The following EYS variants were observed in gnomAD, a reference collection of about 807,000 sequenced individuals.
EYS encodes the protein protein eyes shut homolog.
Under a neutral mutation model 282.1 loss-of-function variants are expected in EYS, and 250 were observed. The ratio of observed to expected loss-of-function variants is 0.89; its 90% CI spans 0.80 to 0.98. The LOEUF is 0.98. EYS is among the 50% of genes least tolerant of loss of function. The probability of loss-of-function intolerance (pLI) is 0.00; values close to 1 mark genes in which losing one functional copy is unlikely to be tolerated. For missense variants in EYS, 4,016 were observed against 3,709.0 expected (o/e 1.08, Z -2.15); for synonymous variants, 1,355 against 1,282.9 (o/e 1.06, Z -1.20).
rs1343121459 is a variant in EYS, at chr6:65,607,400, T to C, written c.-333+32378A>G. Among the ~76,000 whole-genome samples the C allele has an allele frequency of 2.0e-5, 3 of 151,900 alleles. No homozygotes were observed. In the Admixed American group the frequency reaches 2.0e-4, roughly 10 times the overall value. On this transcript the variant is annotated intron_variant, in intron 2 of 42. Coordinates refer to ENST00000503581, the MANE Select transcript of EYS (RefSeq NM_001142800.2). Reference sequence around the variant, plus strand: ...CTCAAGTTTTTTACCCTTTGTGCTCTTGACAACTTTTCTGCAAATTTCATT... The same window carrying C: ...CTCAAGTTTTTTACCCTTTGTGCTCCTGACAACTTTTCTGCAAATTTCATT...
At chr6:64,963,531 A>C (rs915482492) in intron 14 of EYS, among the ~76,000 whole-genome samples, 1 of 152,202 alleles carries the variant, frequency 6.6e-6, no homozygotes, top group Non-Finnish European at 1.5e-5. Context: ...AATTTCTGAG[A>C]CCACCAAAAG....
At chr6:65,325,804 C>T (rs561679015) in intron 11 of EYS, among the ~76,000 whole-genome samples, 1 of 152,034 alleles carries the variant, frequency 6.6e-6, no homozygotes, top group Non-Finnish European at 1.5e-5. Context: ...GAGCTTTGGG[C>T]TAGAGTTACA....
intron 19 of EYS, among the ~76,000 whole-genome samples, chr6:64,883,639 C>T (rs1766994399): frequency 6.6e-6 from 1 of 151,350 alleles, no homozygotes. Context: ...ATTCATCTTT[C>T]CTATATTTAA....
intron 22 of EYS, among the ~76,000 whole-genome samples, chr6:64,627,698 G>A (rs1313208130): frequency 6.6e-6 from 1 of 152,146 alleles, no homozygotes; most frequent in Non-Finnish European, 1.5e-5. Context: ...GCTAGGTAAC[G>A]ATGAATTTTA....
At chr6:63,980,922 T>C (rs1176696731) in intron 35 of EYS, among the ~76,000 whole-genome samples, 1 of 151,888 alleles carries the variant, frequency 6.6e-6, no homozygotes, top group Non-Finnish European at 1.5e-5. Flanking sequence ...AGGAAGTGGG[T>C]TACCAAAATC....
At chr6:65,332,872 G>C (rs1486014548) in intron 11 of EYS, among the ~76,000 whole-genome samples, 1 of 150,958 alleles carries the variant, frequency 6.6e-6, no homozygotes, top group Non-Finnish European at 1.5e-5. Context: ...TCAGTAGTTG[G>C]TATTTTTCTA....
rs138143335 is a variant in EYS, at chr6:64,913,683, G to C, written c.2382-940C>G. On this transcript the variant is annotated intron_variant, in intron 15 of 42. Transcript: ENST00000503581. Reference sequence around the variant, plus strand: ...TGATAGACAGCTACGTTGGTTCCATGATTTTGCTCTTGTGAATAGCACTAT... The same window carrying C: ...TGATAGACAGCTACGTTGGTTCCATCATTTTGCTCTTGTGAATAGCACTAT... Among the ~76,000 whole-genome samples, 156 of 152,212 alleles carry C rather than the reference G, an allele frequency of 1.0e-3. 1 individual carries two copies. Among genetic ancestry groups the C allele is most frequent in the African/African-American group, 3.6e-3 (149 of 41,556 alleles).
chr6:64,445,881 C>T (rs1775102018), intron 26 of EYS, among the ~76,000 whole-genome samples: 1 of 151,960 alleles, frequency 6.6e-6, no homozygotes, highest in Non-Finnish European at 1.5e-5. Flanking sequence ...AGCTATGGAC[C>T]AGGGTTCATA....
At chr6:63,938,740 G>T (rs1765146352) in intron 35 of EYS, among the ~76,000 whole-genome samples, 1 of 152,156 alleles carries the variant, frequency 6.6e-6, no homozygotes, top group Non-Finnish European at 1.5e-5. Flanking sequence ...ACCAAAATGA[G>T]TTGGATATAT....
chr6:64,094,198 A>T (rs956634875), intron 31 of EYS, among the ~76,000 whole-genome samples: 2 of 152,208 alleles, frequency 1.3e-5, no homozygotes, highest in East Asian at 1.9e-4. Flanking sequence ...TTCATCAGGG[A>T]TATTTGTCTA....
chr6:64,510,153 A>G (rs760727535), intron 26 of EYS, among the ~76,000 whole-genome samples: 5 of 152,288 alleles, frequency 3.3e-5, no homozygotes, highest in Non-Finnish European at 7.4e-5. Flanking sequence ...CAAAAGGTAG[A>G]ATATCATAAA....
At chr6:65,460,241 C>A (rs1764781149) in intron 5 of EYS, among the ~76,000 whole-genome samples, 1 of 150,856 alleles carries the variant, frequency 6.6e-6, no homozygotes, top group African/African-American at 2.4e-5. Flanking sequence ...TCTAAACTTA[C>A]ATATAAATTA....
intron 19 of EYS, among the ~76,000 whole-genome samples, chr6:64,833,794 A>C (rs1765295665): frequency 6.6e-6 from 1 of 151,948 alleles, no homozygotes; most frequent in Admixed American, 6.6e-5. Flanking sequence ...AATTAAAAAA[A>C]TGTAAGATTG....
intron 21 of EYS, 26 bp from the exon 22 acceptor site, chr6:64,813,603 T>C: frequency 6.9e-7 from 1 of 1,445,750 alleles, no homozygotes. Context: ...GAGAATCAAA[T>C]TTGATTATTA....
chr6:65,255,989 T>A (rs1304907539), intron 12 of EYS, among the ~76,000 whole-genome samples: 1 of 152,014 alleles, frequency 6.6e-6, no homozygotes, highest in Non-Finnish European at 1.5e-5. Context: ...CCAGCAATCC[T>A]GTGCTGGATA....
chr6:65,636,003 T>G (rs184645084), intron 2 of EYS, among the ~76,000 whole-genome samples: 24 of 152,330 alleles, frequency 1.6e-4, no homozygotes, highest in Admixed American at 1.3e-3. Context: ...CAACCCCATC[T>G]TCTGTGTAGT....
At chr6:65,296,340 A>G (rs1483666368) in intron 11 of EYS, among the ~76,000 whole-genome samples, 1 of 151,978 alleles carries the variant, frequency 6.6e-6, no homozygotes, top group Non-Finnish European at 1.5e-5. Flanking sequence ...GGTGCTGAAT[A>G]TATCTAGTCT....
intron 22 of EYS, among the ~76,000 whole-genome samples, chr6:64,723,359 G>T (rs557146165): frequency 6.6e-6 from 1 of 152,102 alleles, no homozygotes; most frequent in African/African-American, 2.4e-5. Context: ...TGTTGTTTTT[G>T]TAAAGGACAG....
In EYS at chr6:65,467,826, A is replaced by G. The variant is rs73741590; in HGVS notation, c.862+22768T>C. On this transcript the variant is annotated intron_variant, in intron 5 of 42. Coordinates refer to ENST00000503581, the MANE Select transcript of EYS (RefSeq NM_001142800.2). ...AAATAAAAATATATGACAGAATTAT[A>G]TTAAGAAGAATGTGTAGATTTTGAT... Among the ~76,000 whole-genome samples the G allele has an allele frequency of 6.8e-3, 1,030 of 152,264 alleles. 17 individuals are homozygous for G. The highest frequency in any genetic ancestry group is 0.023 in the African/African-American group (964 of 41,562).
Sources: gnomAD v4.1 joint callset for allele counts (sites outside exome capture counted in the v4.1 genomes callset) on GRCh38, gnomAD v4.1.1 for gene constraint, MANE v1.5 for transcripts, NCBI Gene and HGNC (gene_info 2026-07-23, HGNC 2026-07-21) for gene names.